IGF2BP2: variants seen among roughly 807,000 people sequenced by gnomAD.
The protein encoded by IGF2BP2 is insulin like growth factor 2 mRNA binding protein 2, also known as insulin-like growth factor 2 mRNA-binding protein 2.
A neutral mutation model predicts 75.8 loss-of-function variants in IGF2BP2; 17 were observed. That is an observed-to-expected ratio of 0.22 (90% CI 0.15 to 0.34). The LOEUF (loss-of-function observed/expected upper bound fraction) is 0.34, where lower values mean the gene tolerates loss of function less well. IGF2BP2 is among the 10% of genes least tolerant of loss of function. The pLI, the probability that IGF2BP2 is intolerant of heterozygous loss-of-function variation, is 1.00. For missense variants in IGF2BP2, 516 were observed against 772.4 expected (o/e 0.67, Z 3.93); for synonymous variants, 288 against 295.6 (o/e 0.97, Z 0.26).
intron 2 of IGF2BP2, among the ~76,000 whole-genome samples, chr3:185,784,558 TG>T (rs1417929947): frequency 6.6e-6 from 1 of 152,228 alleles, no homozygotes; most frequent in Non-Finnish European, 1.5e-5. Context: ...TGGGTACTAC[TG>T]CATCAGCACT....
intron 2 of IGF2BP2, chr3:185,718,297 G>C (rs562626494): frequency 6.6e-6 from 1 of 152,368 alleles, no homozygotes; most frequent in South Asian, 2.1e-4. Context: ...AAAATGTGCT[G>C]AACCTTGGAC....
chr3:185,782,462 G>A (rs1735336138), intron 2 of IGF2BP2, among the ~76,000 whole-genome samples: 1 of 151,786 alleles, frequency 6.6e-6, no homozygotes, highest in Non-Finnish European at 1.5e-5. Context: ...ATCTCTGCTT[G>A]GAATTAACCT....
intron 13 of IGF2BP2, among the ~76,000 whole-genome samples, chr3:185,651,324 A>G (rs1449600005): frequency 6.6e-6 from 1 of 152,166 alleles, no homozygotes; most frequent in African/African-American, 2.4e-5. Flanking sequence ...TGTTAAATGG[A>G]TATTCCACAT....
intron 2 of IGF2BP2, among the ~76,000 whole-genome samples, chr3:185,799,229 A>G (rs908236495): frequency 7.2e-5 from 11 of 151,970 alleles, no homozygotes; most frequent in Non-Finnish European, 1.5e-4. Context: ...GCAAAACCCC[A>G]TATCTACAAA....
intron 2 of IGF2BP2, among the ~76,000 whole-genome samples, chr3:185,802,150 T>A (rs945439446): frequency 2.0e-5 from 3 of 152,084 alleles, no homozygotes; most frequent in Non-Finnish European, 4.4e-5. Flanking sequence ...CTGCATGTTC[T>A]GCACATGTAT....
At chr3:185,751,815 T>C (rs1731008235) in intron 2 of IGF2BP2, among the ~76,000 whole-genome samples, 1 of 151,590 alleles carries the variant, frequency 6.6e-6, no homozygotes, top group Admixed American at 6.6e-5. Flanking sequence ...ATACAAAAAT[T>C]AGCTGGGCGT....
intron 7 of IGF2BP2, among the ~76,000 whole-genome samples, chr3:185,683,106 T>C (rs1720624762): frequency 1.3e-5 from 2 of 152,224 alleles, no homozygotes; most frequent in African/African-American, 4.8e-5. Context: ...GAATGTTATT[T>C]GGCCATAAAA....
At chr3:185,723,816 T>G (rs960399218) in intron 2 of IGF2BP2, among the ~76,000 whole-genome samples, 2 of 152,086 alleles carry the variant, frequency 1.3e-5, no homozygotes, top group Admixed American at 6.6e-5. Flanking sequence ...AGGCTATACC[T>G]AGCCTTGAGG....
intron 2 of IGF2BP2, among the ~76,000 whole-genome samples, chr3:185,769,313 C>A (rs1325187810): frequency 6.6e-6 from 1 of 152,008 alleles, no homozygotes; most frequent in Non-Finnish European, 1.5e-5. Flanking sequence ...CATGATCATG[C>A]CACTGCACTC....
chr3:185,650,088 CT>C (rs542843120), intron 13 of IGF2BP2, among the ~76,000 whole-genome samples: 4,076 of 125,944 alleles, frequency 0.032, 173 homozygotes, highest in African/African-American at 0.1. Context: ...TGTTTTCATT[CT>C]TTTTTTTTTT....
chr3:185,814,380 A>G (rs1740324524), intron 2 of IGF2BP2, among the ~76,000 whole-genome samples: 1 of 152,212 alleles, frequency 6.6e-6, no homozygotes, highest in Admixed American at 6.5e-5. Context: ...TGCATTGTTA[A>G]AAATCACAAG....
At chr3:185,702,728 CCTG>C (rs1378322986) in intron 2 of IGF2BP2, among the ~76,000 whole-genome samples, 1 of 152,098 alleles carries the variant, frequency 6.6e-6, no homozygotes, top group Non-Finnish European at 1.5e-5. Flanking sequence ...TCCTTGACTC[CCTG>C]CTGCTGCCTC....
At chr3:185,702,711 C>A (rs1350207039) in intron 2 of IGF2BP2, among the ~76,000 whole-genome samples, 1 of 152,094 alleles carries the variant, frequency 6.6e-6, no homozygotes, top group Non-Finnish European at 1.5e-5. Context: ...GAGGGCTACT[C>A]CTGCCTTCCT....
Position 185,779,423 on chromosome 3 carries a change from G to A in IGF2BP2, c.239+43730C>T, listed in dbSNP as rs115267684. On this transcript the variant is annotated intron_variant, in intron 2 of 15. Transcript: ENST00000382199. ...AATGTTCACAGTATCTAACTTTAAA[G>A]GTCAAGATGACTGGGGGCTATGGTC... 2.2e-3 allele frequency among the ~76,000 whole-genome samples: 334 copies of A among 152,242 alleles called. 1 individual carries two copies. The highest frequency in any genetic ancestry group is 7.8e-3 in the African/African-American group (324 of 41,530).
intron 2 of IGF2BP2, among the ~76,000 whole-genome samples, chr3:185,728,013 CTA>C (rs1397480625): frequency 8.5e-5 from 13 of 152,296 alleles, no homozygotes; most frequent in African/African-American, 3.1e-4. Flanking sequence ...ATGAGATTTA[CTA>C]TAATGCCCCG....
At chr3:185,695,019 G>A (rs1157574914) in intron 4 of IGF2BP2, among the ~76,000 whole-genome samples, 2 of 152,086 alleles carry the variant, frequency 1.3e-5, no homozygotes, top group African/African-American at 4.8e-5. Context: ...CCCGGGAGGT[G>A]GAGGTTGCAG....
chr3:185,723,046 T>G (rs984454045), intron 2 of IGF2BP2, among the ~76,000 whole-genome samples: 2 of 152,188 alleles, frequency 1.3e-5, no homozygotes, highest in Admixed American at 6.5e-5. Flanking sequence ...TGTTGAAACG[T>G]TTCTCGTTGG....
chr3:185,710,507 C>A (rs563825765), intron 2 of IGF2BP2, among the ~76,000 whole-genome samples: 2 of 152,100 alleles, frequency 1.3e-5, no homozygotes, highest in African/African-American at 2.4e-5. Flanking sequence ...CCGAGGCGGG[C>A]GGATCACTTG....
intron 2 of IGF2BP2, among the ~76,000 whole-genome samples, chr3:185,818,584 A>G (rs1319368823): frequency 6.6e-6 from 1 of 152,152 alleles, no homozygotes; most frequent in African/African-American, 2.4e-5. Context: ...AAACATATAC[A>G]CACACTTGCA....
Sources: gnomAD v4.1 joint callset for allele counts (sites outside exome capture counted in the v4.1 genomes callset) on GRCh38, gnomAD v4.1.1 for gene constraint, MANE v1.5 for transcripts, NCBI Gene and HGNC (gene_info 2026-07-23, HGNC 2026-07-21) for gene names.